The following TXNRD1 variants were observed in gnomAD, a reference collection of about 807,000 sequenced individuals.
TXNRD1 encodes the protein thioredoxin reductase 1, cytoplasmic.
A neutral mutation model predicts 80.3 loss-of-function variants in TXNRD1; 57 were observed. The ratio of observed to expected loss-of-function variants is 0.71; its 90% confidence interval spans 0.57 to 0.89. The LOEUF (loss-of-function observed/expected upper bound fraction) is 0.89, where lower values mean the gene tolerates loss of function less well. Ranked by LOEUF, TXNRD1 falls within the 40% of genes least tolerant of loss-of-function variation. The probability of loss-of-function intolerance (pLI) is 0.00; values close to 1 mark genes in which losing one functional copy is unlikely to be tolerated. For missense variants in TXNRD1, 730 were observed against 803.0 expected (o/e 0.91, Z 1.10); for synonymous variants, 291 against 285.2 (o/e 1.02, Z -0.20).
intron 15 of TXNRD1, among the ~76,000 whole-genome samples, chr12:104,335,080 G>T (rs949513507): frequency 2.6e-5 from 4 of 152,066 alleles, no homozygotes; most frequent in Admixed American, 2.6e-4. Flanking sequence ...GTGTTATTAC[G>T]TGTAAATCTA....
In TXNRD1 at chr12:104,319,465, TG is replaced by T. The variant is rs770799883; in HGVS notation, c.874-4del. 1.3e-5 allele frequency: 20 copies of T among 1,550,930 alleles called. No individual in the cohort carries two copies. Among genetic ancestry groups the T allele is most frequent in the Non-Finnish European group, 1.8e-5 (20 of 1,140,384 alleles). Reference sequence around the variant, plus strand: ...AATAAGGTTTTCATATTGGTTCCTTTGTAGGCAACAAATAATAAAGGCAAAG... The same window carrying T: ...AATAAGGTTTTCATATTGGTTCCTTTTAGGCAACAAATAATAAAGGCAAAG... On this transcript the variant is annotated splice_region_variant and splice_polypyrimidine_tract_variant and intron_variant, in intron 8 of 16. Coordinates refer to ENST00000525566, the MANE Select transcript of TXNRD1 (RefSeq NM_001093771.3).
intron 3 of TXNRD1, chr12:104,286,662 G>A: frequency 1.1e-6 from 1 of 941,890 alleles, no homozygotes; most frequent in South Asian, 4.8e-5. Flanking sequence ...AGGGGTGGGA[G>A]CCAGGCACCA....
intron 1 of TXNRD1, among the ~76,000 whole-genome samples, chr12:104,230,801 G>A (rs917515614): frequency 4.6e-5 from 7 of 152,182 alleles, no homozygotes; most frequent in Non-Finnish European, 1.0e-4. Flanking sequence ...GGCTGGAGGA[G>A]GTGGTGTCTG....
chr12:104,303,280 A>G lies in TXNRD1; in HGVS notation c.415-8010A>G, dbSNP rs2034716137. On this transcript the variant is annotated intron_variant, in intron 4 of 16. Coordinates refer to ENST00000525566, the MANE Select transcript of TXNRD1 (RefSeq NM_001093771.3). ...AATTAACCCGATTTACATTTGTATAATGAGTCCAAACACCACCTTGCAAAA... is the reference window on the plus strand; with the variant it reads ...AATTAACCCGATTTACATTTGTATAGTGAGTCCAAACACCACCTTGCAAAA... Among the ~76,000 whole-genome samples, 4 of 152,206 alleles carry G rather than the reference A, an allele frequency of 2.6e-5. No homozygotes were observed. The South Asian group carries it at 6.2e-4, about 24-fold the overall frequency.
chr12:104,316,458 C>T (rs1333530546), intron 7 of TXNRD1, among the ~76,000 whole-genome samples: 1 of 152,194 alleles, frequency 6.6e-6, no homozygotes, highest in Non-Finnish European at 1.5e-5. Context: ...GGCACGATCT[C>T]AGCTCACTGC....
intron 1 of TXNRD1, among the ~76,000 whole-genome samples, chr12:104,217,463 A>G (rs1422293485): frequency 1.3e-5 from 2 of 151,746 alleles, no homozygotes; most frequent in African/African-American, 4.8e-5. Context: ...GGCATGCACC[A>G]CCACGCCTGG....
chr12:104,326,763 G>T (rs1411392070), intron 12 of TXNRD1, among the ~76,000 whole-genome samples: 1 of 152,104 alleles, frequency 6.6e-6, no homozygotes, highest in East Asian at 1.9e-4. Flanking sequence ...ACTGTGCCTG[G>T]CCCATTATGT....
intron 3 of TXNRD1, among the ~76,000 whole-genome samples, chr12:104,260,083 CAGCACT>C (rs1158781899): frequency 6.6e-6 from 1 of 152,190 alleles, no homozygotes; most frequent in African/African-American, 2.4e-5. Flanking sequence ...CCTGTAATCC[CAGCACT>C]TTGGGAGGTG....
intron 15 of TXNRD1, 93 bp downstream of exon 15, chr12:104,334,425 C>T: frequency 1.5e-6 from 1 of 677,198 alleles, no homozygotes; most frequent in Non-Finnish European, 2.2e-6. Flanking sequence ...CTCTGTTGCC[C>T]AGGCTGGAGT....
chr12:104,303,671 C>T (rs1465802705), intron 4 of TXNRD1: 6 of 478,458 alleles, frequency 1.3e-5, no homozygotes, highest in Non-Finnish European at 1.8e-5. Flanking sequence ...TGGGCCGGGC[C>T]GGGGCGGGGC....
At chr12:104,334,161 T>C (rs2135870714) in intron 14 of TXNRD1, 76 bp from the exon 15 acceptor site, 1 of 587,422 alleles carries the variant, frequency 1.7e-6, no homozygotes, top group Non-Finnish European at 2.8e-6. Flanking sequence ...GAGTCTCTAC[T>C]GTCTTTCACC....
intron 6 of TXNRD1, among the ~76,000 whole-genome samples, chr12:104,314,237 C>G (rs2035236893): frequency 6.6e-6 from 1 of 152,116 alleles, no homozygotes; most frequent in African/African-American, 2.4e-5. Context: ...CTAAATTGGA[C>G]TAATCAGAGC....
chr12:104,271,950 C>T (rs1025211246), intron 3 of TXNRD1, among the ~76,000 whole-genome samples: 10 of 151,944 alleles, frequency 6.6e-5, no homozygotes, highest in African/African-American at 2.2e-4. Flanking sequence ...GGGCCAGGCG[C>T]GGTGACTCAC....
chr12:104,291,198 T>A, intron 4 of TXNRD1: 12 of 53,420 alleles, frequency 2.2e-4, no homozygotes, highest in Middle Eastern at 1.1e-3. Flanking sequence ...CTTTGTGTCT[T>A]TTTTTTTTTT....
chr12:104,281,033 T>A (rs2033865332), intron 3 of TXNRD1, among the ~76,000 whole-genome samples: 1 of 152,234 alleles, frequency 6.6e-6, no homozygotes, highest in African/African-American at 2.4e-5. Context: ...CATACTTACA[T>A]ATCCAACTGC....
At chr12:104,219,476 G>C (rs1161333139) in intron 1 of TXNRD1, among the ~76,000 whole-genome samples, 1 of 152,202 alleles carries the variant, frequency 6.6e-6, no homozygotes, top group East Asian at 1.9e-4. Flanking sequence ...CTCAGTCCTT[G>C]AACATAGAGT....
intron 2 of TXNRD1, among the ~76,000 whole-genome samples, chr12:104,254,751 C>CTGTGATTAAAGTTAA (rs61049241): frequency 6.7e-6 from 1 of 150,116 alleles, no homozygotes; most frequent in Non-Finnish European, 1.5e-5. Context: ...TTAAAGGTTA[C>CTGTGATTAAAGTTAA]AGTGAGCTAT....
intron 13 of TXNRD1, among the ~76,000 whole-genome samples, chr12:104,328,190 A>G (rs1368925316): frequency 1.3e-5 from 2 of 151,554 alleles, no homozygotes; most frequent in Non-Finnish European, 2.9e-5. Context: ...AAAAAAAAAA[A>G]GAAAATTGAC....
intron 3 of TXNRD1, among the ~76,000 whole-genome samples, chr12:104,278,955 TCAA>T (rs2033821285): frequency 6.6e-6 from 1 of 152,248 alleles, no homozygotes; most frequent in Non-Finnish European, 1.5e-5. Context: ...ATTTAATCTC[TCAA>T]CAATTATTTA....
Sources: allele counts gnomAD v4.1 joint callset (sites outside exome capture counted in the v4.1 genomes callset), GRCh38; gene constraint gnomAD v4.1.1; transcripts MANE v1.5; gene names NCBI Gene and HGNC (gene_info 2026-07-23, HGNC 2026-07-21).